The following LINGO3 variants were observed in gnomAD, a reference collection of about 807,000 sequenced individuals.
LINGO3 encodes the protein leucine-rich repeat and immunoglobulin-like domain-containing nogo receptor-interacting protein 3.
For missense variants in LINGO3, 750 were observed against 867.7 expected (o/e 0.86, Z 1.70); for synonymous variants, 427 against 444.2 (o/e 0.96, Z 0.49).
the LINGO3 span, among the ~76,000 whole-genome samples, chr19:2,302,370 T>G: frequency 1.3e-5 from 2 of 152,140 alleles, no homozygotes; most frequent in Admixed American, 1.3e-4. Context: ...CCCCCTGTCC[T>G]TAAGGAGCTT....
the LINGO3 span, among the ~76,000 whole-genome samples, chr19:2,297,406 G>A: frequency 4.1e-5 from 6 of 144,888 alleles, no homozygotes; most frequent in South Asian, 6.8e-4. Context: ...CCAGGTTCAC[G>A]CCATTCTCCT....
At chr19:2,289,759 CA>C (rs2025499645), downstream of LINGO3, 1 of 373,650 alleles carries the variant, frequency 2.7e-6, no homozygotes, top group South Asian at 4.8e-5. Flanking sequence ...CCCCCCAGCT[CA>C]GCCACCATAG....
chr19:2,301,927 CA>C, the LINGO3 span, among the ~76,000 whole-genome samples: 282 of 35,298 alleles, frequency 8.0e-3, no homozygotes, highest in African/African-American at 9.9e-3. Context: ...GACTCCATCT[CA>C]AAAAAAAAAA....
chr19:2,297,309 T>C, the LINGO3 span, among the ~76,000 whole-genome samples: 3 of 136,760 alleles, frequency 2.2e-5, no homozygotes, highest in African/African-American at 8.2e-5. Flanking sequence ...CCCCCCTTTT[T>C]TTTTTTTTTT....
At chr19:2,295,806 T>C (rs2025566996), upstream of LINGO3, among the ~76,000 whole-genome samples, 1 of 151,980 alleles carries the variant, frequency 6.6e-6, no homozygotes. Flanking sequence ...AGGACACATA[T>C]GTACAGATGC....
chr19:2,297,300 C>G, the LINGO3 span, among the ~76,000 whole-genome samples: 1 of 143,560 alleles, frequency 7.0e-6, no homozygotes, highest in Admixed American at 6.8e-5. Context: ...CCCTCCCTCC[C>G]CCCCTTTTTT....
exon 1 of LINGO3, chr19:2,289,875 A>G: frequency 1.3e-6 from 1 of 774,350 alleles, no homozygotes; most frequent in South Asian, 1.9e-5. Flanking sequence ...CTACAAAAAA[A>G]GGGGAAGTTC....
At chr19:2,306,667 C>G in the LINGO3 span, among the ~76,000 whole-genome samples, 4 of 152,118 alleles carry the variant, frequency 2.6e-5, no homozygotes, top group African/African-American at 9.7e-5. Flanking sequence ...TGGGGTGGAT[C>G]TGAGAGAGGG....
At chr19:2,299,497 C>T in the LINGO3 span, among the ~76,000 whole-genome samples, 1 of 151,688 alleles carries the variant, frequency 6.6e-6, no homozygotes, top group Non-Finnish European at 1.5e-5. Context: ...GATCTCGGCT[C>T]ACTGCAAGCT....
chr19:2,302,935 G>A, the LINGO3 span, among the ~76,000 whole-genome samples: 1 of 152,224 alleles, frequency 6.6e-6, no homozygotes, highest in Non-Finnish European at 1.5e-5. Flanking sequence ...GCCTGGTGCC[G>A]CGCGGGTGCT....
upstream of LINGO3, among the ~76,000 whole-genome samples, chr19:2,295,011 G>C (rs2025561102): frequency 6.6e-6 from 1 of 152,066 alleles, no homozygotes; most frequent in Non-Finnish European, 1.5e-5. Context: ...ACTGGCCTTC[G>C]ATCCTCATTT....
At chr19:2,306,692 G>T in the LINGO3 span, among the ~76,000 whole-genome samples, 2 of 152,164 alleles carry the variant, frequency 1.3e-5, no homozygotes, top group African/African-American at 4.8e-5. Context: ...TCATTTGCCG[G>T]AAGTCACCGG....
At chr19:2,297,840 A>G in the LINGO3 span, among the ~76,000 whole-genome samples, 9 of 149,854 alleles carry the variant, frequency 6.0e-5, no homozygotes, top group East Asian at 1.6e-3. Context: ...CCTAACCTCA[A>G]GTGATCCACC....
chr19:2,288,679 AC>A (rs2025487649), downstream of LINGO3, among the ~76,000 whole-genome samples: 1 of 151,906 alleles, frequency 6.6e-6, no homozygotes, highest in Non-Finnish European at 1.5e-5. This position sits in a 1 kb window ranked among gnomAD's most constrained non-coding sequence, Gnocchi z 6.5. Flanking sequence ...TGTGGGGAGG[AC>A]GGAGGACAGG....
At chr19:2,293,213 A>T (rs184053425), upstream of LINGO3, among the ~76,000 whole-genome samples, 13 of 150,684 alleles carry the variant, frequency 8.6e-5, no homozygotes, top group East Asian at 9.8e-4. Flanking sequence ...TACAGGTGCC[A>T]GCCACCACGC....
chr19:2,297,121 G>A, the LINGO3 span, among the ~76,000 whole-genome samples: 3 of 151,550 alleles, frequency 2.0e-5, no homozygotes, highest in East Asian at 5.9e-4. Context: ...GAAGAATAAA[G>A]TAAACCTACC....
At chr19:2,288,984 G>C (rs574455080), downstream of LINGO3, among the ~76,000 whole-genome samples, 1 of 150,978 alleles carries the variant, frequency 6.6e-6, no homozygotes, top group South Asian at 2.1e-4. The surrounding 1 kb of genome is among the most constrained non-coding windows in gnomAD (Gnocchi z 6.5). Flanking sequence ...TCTCGGGTGT[G>C]AGCTGTGTGT....
At chr19:2,304,411 G>A in the LINGO3 span, among the ~76,000 whole-genome samples, 1 of 152,192 alleles carries the variant, frequency 6.6e-6, no homozygotes, top group African/African-American at 2.4e-5. Flanking sequence ...CTAATCCCCG[G>A]AACTGCAGAT....
chr19:2,304,828 C>T, the LINGO3 span, among the ~76,000 whole-genome samples: 1 of 150,368 alleles, frequency 6.7e-6, no homozygotes, highest in African/African-American at 2.4e-5. Context: ...CTGTCTCAGC[C>T]TCCTGAGAAG....
Sources: gnomAD v4.1 joint callset for allele counts (sites outside exome capture counted in the v4.1 genomes callset) on GRCh38, gnomAD v4.1.1 for gene constraint, Gnocchi (gnomAD v3.1) non-coding constraint, MANE v1.5 for transcripts, NCBI Gene and HGNC (gene_info 2026-07-23, HGNC 2026-07-21) for gene names.